The following DLG2 variants were observed in gnomAD, a reference collection of about 807,000 sequenced individuals.
DLG2 encodes the protein disks large homolog 2.
Under a neutral mutation model 132.5 loss-of-function variants are expected in DLG2, and 45 were observed. The observed-to-expected ratio is 0.34, with a 90% confidence interval of 0.27 to 0.44. The LOEUF (loss-of-function observed/expected upper bound fraction) is 0.44. DLG2 is among the 20% of genes least tolerant of loss of function. The probability of loss-of-function intolerance (pLI) is 1.00; values close to 1 mark genes in which losing one functional copy is unlikely to be tolerated. For synonymous variants in DLG2, 424 were observed against 419.6 expected (o/e 1.01, Z -0.13); for missense variants, 1,045 against 1,196.9 (o/e 0.87, Z 1.87).
Position 84,206,484 on chromosome 11 carries a change from A to T in DLG2, c.574-42973T>A, listed in dbSNP as rs564622797. On this transcript the variant is annotated intron_variant, in intron 8 of 27. Coordinates refer to ENST00000376104, the MANE Select transcript of DLG2 (RefSeq NM_001142699.3). ...TATCCTCCAAGAACAAAGATGCAAA[A>T]TTCCTAAACAAAATAGTAGCACACC... 2.0e-5 allele frequency among the ~76,000 whole-genome samples: 3 copies of T among 152,234 alleles called. No individual in the cohort carries two copies. The South Asian group carries it at 6.2e-4, about 32-fold the overall frequency.
chr11:84,763,901 G>T lies in DLG2; in HGVS notation c.358-229170C>A, dbSNP rs192592872. Reference sequence around the variant, plus strand: ...TTAAGGAATTTAAGAAACTGTGTTTGTTGGGGTGAGGGGCTACATCAGCAA... The same window carrying T: ...TTAAGGAATTTAAGAAACTGTGTTTTTTGGGGTGAGGGGCTACATCAGCAA... On this transcript the variant is annotated intron_variant, in intron 6 of 27. Transcript: ENST00000376104. 5.6e-4 allele frequency among the ~76,000 whole-genome samples: 85 copies of T among 152,230 alleles called. 2 individuals are homozygous for T. The highest frequency in any genetic ancestry group is 5.6e-3 in the Admixed American group (85 of 15,288).
intron 19 of DLG2, among the ~76,000 whole-genome samples, chr11:83,569,803 G>A (rs1405219729): frequency 2.0e-5 from 3 of 152,240 alleles, no homozygotes; most frequent in Non-Finnish European, 4.4e-5. Context: ...GAAGATCTCT[G>A]CCATGGCAGG....
At position 85,036,936 on chromosome 11, in the gene DLG2, A is replaced by C. The variant is rs955289760; in HGVS notation, c.357+74725T>G. 4.6e-5 allele frequency among the ~76,000 whole-genome samples: 7 copies of C among 152,346 alleles called. No individual in the cohort carries two copies. In the East Asian group the frequency reaches 1.4e-3, roughly 29 times the overall value. Reference sequence around the variant, plus strand: ...GAAAGACTGCAATAATGTAAACTCCACAAGGATTTTTCTCTGTTTGTTCTC... The same window carrying C: ...GAAAGACTGCAATAATGTAAACTCCCCAAGGATTTTTCTCTGTTTGTTCTC... On this transcript the variant is annotated intron_variant, in intron 6 of 27. Coordinates refer to ENST00000376104, the MANE Select transcript of DLG2 (RefSeq NM_001142699.3).
intron 3 of DLG2, among the ~76,000 whole-genome samples, chr11:85,519,643 C>T (rs1411220499): frequency 6.6e-6 from 1 of 152,138 alleles, no homozygotes; most frequent in African/African-American, 2.4e-5. Flanking sequence ...CTTTGGGGAA[C>T]TGTTGGGAAG....
At chr11:84,316,921 G>T (rs779164692) in intron 7 of DLG2, 62 of 1,612,702 alleles carry the variant, frequency 3.8e-5, no homozygotes, top group Non-Finnish European at 4.5e-5. Flanking sequence ...TCCGCACACT[G>T]TCCCACAAGG....
At chr11:85,339,860 T>C (rs1018221177) in intron 3 of DLG2, among the ~76,000 whole-genome samples, 1 of 152,114 alleles carries the variant, frequency 6.6e-6, no homozygotes, top group Non-Finnish European at 1.5e-5. Flanking sequence ...AAAGAAGACA[T>C]CTATGGAGCC....
intron 6 of DLG2, among the ~76,000 whole-genome samples, chr11:84,787,602 T>C (rs2073132265): frequency 6.6e-6 from 1 of 152,206 alleles, no homozygotes; most frequent in Non-Finnish European, 1.5e-5. Context: ...ATTATGCACC[T>C]ATATGTGTAT....
chr11:83,945,989 CTCT>C (rs2083817648), intron 14 of DLG2, among the ~76,000 whole-genome samples: 1 of 123,508 alleles, frequency 8.1e-6, no homozygotes, highest in Admixed American at 7.7e-5. Context: ...CTTTCTCTCT[CTCT>C]CTTTTTTTTT....
chr11:84,921,282 T>C (rs2092745301), intron 6 of DLG2, among the ~76,000 whole-genome samples: 1 of 152,098 alleles, frequency 6.6e-6, no homozygotes, highest in Admixed American at 6.5e-5. Context: ...ACTGAAAAGG[T>C]AGAAGCATAA....
chr11:84,545,100 T>G, intron 6 of DLG2: 1 of 453,470 alleles, frequency 2.2e-6, no homozygotes, highest in South Asian at 1.6e-5. Context: ...CACTTCTCTC[T>G]CTCACGCTAA....
intron 7 of DLG2, among the ~76,000 whole-genome samples, chr11:84,503,528 C>A (rs1320757272): frequency 6.6e-6 from 1 of 152,276 alleles, no homozygotes; most frequent in East Asian, 1.9e-4. Flanking sequence ...TAGGACCAAG[C>A]TTCTTGGCTT....
intron 8 of DLG2, among the ~76,000 whole-genome samples, chr11:84,215,174 C>T (rs1256782554): frequency 6.6e-6 from 1 of 152,140 alleles, no homozygotes; most frequent in Non-Finnish European, 1.5e-5. Context: ...GTCCGAAACA[C>T]GTCAAAGCTT....
intron 7 of DLG2, among the ~76,000 whole-genome samples, chr11:84,280,272 T>G (rs972319193): frequency 6.6e-6 from 1 of 151,126 alleles, no homozygotes; most frequent in Non-Finnish European, 1.5e-5. Flanking sequence ...TTACGACAAA[T>G]TTTTGAAATA....
intron 7 of DLG2, among the ~76,000 whole-genome samples, chr11:84,398,213 A>G (rs2098817346): frequency 6.6e-6 from 1 of 152,224 alleles, no homozygotes; most frequent in African/African-American, 2.4e-5. Flanking sequence ...TGGATTCATC[A>G]GATCACCTGC....
chr11:84,024,389 T>C (rs1340702717), intron 11 of DLG2, among the ~76,000 whole-genome samples: 1 of 152,128 alleles, frequency 6.6e-6, no homozygotes, highest in Non-Finnish European at 1.5e-5. Flanking sequence ...AGAATTATCA[T>C]ATGATCCAGC....
In DLG2 at chr11:84,995,700, A is replaced by G. The variant is rs553793835; in HGVS notation, c.357+115961T>C. ...TTATGGTTAGAAATAATAGAGCCCA[A>G]CTTAAAGTAACTTAAGCAATTTTTT... On this transcript the variant is annotated intron_variant, in intron 6 of 27. Transcript: ENST00000376104. Among the ~76,000 whole-genome samples the G allele has an allele frequency of 4.7e-4, 72 of 152,268 alleles. No homozygotes were observed. The Middle Eastern group carries it at 0.01, about 22-fold the overall frequency.
intron 3 of DLG2, among the ~76,000 whole-genome samples, chr11:85,423,898 C>A (rs367922129): frequency 2.6e-5 from 4 of 152,132 alleles, no homozygotes; most frequent in Non-Finnish European, 2.9e-5. Flanking sequence ...CCCCCACCTA[C>A]GGAGTCTGTA....
intron 24 of DLG2, 95 bp from the exon 25 acceptor site, chr11:83,469,468 G>T: frequency 3.4e-6 from 3 of 885,438 alleles, no homozygotes; most frequent in Non-Finnish European, 5.2e-6. Context: ...ACATTGATAT[G>T]TAGAAATATG....
chr11:84,422,940 TCTC>T (rs1488468026), intron 7 of DLG2, among the ~76,000 whole-genome samples: 2 of 152,140 alleles, frequency 1.3e-5, no homozygotes, highest in East Asian at 1.9e-4. Flanking sequence ...CAAAGTCACT[TCTC>T]CTGCTTTCTT....
Sources: allele counts gnomAD v4.1 joint callset (sites outside exome capture counted in the v4.1 genomes callset), GRCh38; gene constraint gnomAD v4.1.1; transcripts MANE v1.5; gene names NCBI Gene and HGNC (gene_info 2026-07-23, HGNC 2026-07-21).